The following PTCHD1 variants were observed in gnomAD, a reference collection of about 807,000 sequenced individuals.
PTCHD1 encodes patched domain-containing protein 1.
In PTCHD1, 3 loss-of-function variants were observed where a neutral mutation model predicts 34.6. The observed-to-expected ratio is 0.09, with a 90% CI of 0.04 to 0.22. The LOEUF is 0.22. PTCHD1 is among the 10% of genes least tolerant of loss of function. The pLI, the probability that PTCHD1 is intolerant of heterozygous loss-of-function variation, is 1.00. For missense variants in PTCHD1, 504 were observed against 685.5 expected (o/e 0.74, Z 2.96); for synonymous variants, 305 against 283.1 (o/e 1.08, Z -0.77).
At position 23,366,800 on chromosome X, in the gene PTCHD1, A is replaced by G. The variant is rs140231761; in HGVS notation, c.352-12791A>G. 3.1e-3 allele frequency among the ~76,000 whole-genome samples: 346 copies of G among 111,240 alleles called. 1 individual carries two copies. Among genetic ancestry groups the G allele is most frequent in the African/African-American group, 9.8e-3 (300 of 30,553 alleles). On this transcript the variant is annotated intron_variant, in intron 1 of 2. Transcript: ENST00000379361. Reference sequence around the variant, plus strand: ...TCTTGCTCACATGGCTTCAGGTAAGATTTACTAATAGTAACTAATAAATTT... The same window carrying G: ...TCTTGCTCACATGGCTTCAGGTAAGGTTTACTAATAGTAACTAATAAATTT...
intron 1 of PTCHD1, among the ~76,000 whole-genome samples, chrX:23,371,364 C>T (rs773128258): frequency 3.6e-5 from 4 of 111,549 alleles, no homozygotes; most frequent in South Asian, 7.7e-4. Context: ...GAAAAGCCGT[C>T]GGCTATGGAG....
chrX:23,353,956 G>A (rs1286219072), intron 1 of PTCHD1, among the ~76,000 whole-genome samples: 1 of 111,737 alleles, frequency 8.9e-6, no homozygotes, highest in African/African-American at 3.3e-5. Context: ...TGATGGAAGG[G>A]TTCTCAATCT....
chrX:23,391,389 T>C (rs930711711), intron 2 of PTCHD1, among the ~76,000 whole-genome samples: 2 of 111,022 alleles, frequency 1.8e-5, no homozygotes, highest in African/African-American at 6.6e-5. Context: ...TGAAGACAAA[T>C]TGCAAGTCAT....
chrX:23,369,798 T>A (rs1390638214), intron 1 of PTCHD1, among the ~76,000 whole-genome samples: 4 of 111,692 alleles, frequency 3.6e-5, no homozygotes, highest in African/African-American at 1.3e-4. Flanking sequence ...ACTTGGAGCT[T>A]ATACTGGGAT....
chrX:23,380,035 C>T lies in PTCHD1; in HGVS notation c.796C>T (p.Arg266Cys), dbSNP rs374319117. 12 of 1,209,823 alleles carry T rather than the reference C, an allele frequency of 9.9e-6. No homozygotes were observed. The African/African-American group carries it at 1.4e-4, about 14-fold the overall frequency. Residue 266 changes from arginine (R) to cysteine (C), a missense_variant, in exon 2 of 3, where the codon CGC becomes TGC. Coordinates refer to ENST00000379361, the MANE Select transcript of PTCHD1 (RefSeq NM_173495.3). Reference sequence around the variant, plus strand: ...GAGGGAAGATTTCCAGAAGACCAGCCGCGTATCAGAACGTTACCTGGTCAC... The same window carrying T: ...GAGGGAAGATTTCCAGAAGACCAGCTGCGTATCAGAACGTTACCTGGTCAC... ...SLREDFQKTS[R>C]VSERYLVTSL... is the part of the protein sequence containing the mutation.
At chrX:23,375,522 G>T (rs1007448209) in intron 1 of PTCHD1, among the ~76,000 whole-genome samples, 1 of 110,150 alleles carries the variant, frequency 9.1e-6, no homozygotes, top group African/African-American at 3.3e-5. Flanking sequence ...CTCGTGATCC[G>T]CCCGCCTCGG....
chrX:23,375,514 C>T (rs1358293533), intron 1 of PTCHD1, among the ~76,000 whole-genome samples: 1 of 110,574 alleles, frequency 9.0e-6, no homozygotes, highest in East Asian at 2.8e-4. Context: ...CTCCTGACCT[C>T]GTGATCCGCC....
chrX:23,372,674 C>T (rs912862376), intron 1 of PTCHD1, among the ~76,000 whole-genome samples: 1 of 111,487 alleles, frequency 9.0e-6, no homozygotes, highest in Admixed American at 9.5e-5. Flanking sequence ...ACAGCTGTTG[C>T]CTGTTCCCAA....
At position 23,358,963 on chromosome X, in the gene PTCHD1, C is replaced by T. The variant is rs1044397148; in HGVS notation, c.352-20628C>T. Among the ~76,000 whole-genome samples, 9 of 111,661 alleles carry T rather than the reference C, an allele frequency of 8.1e-5. No homozygotes were observed. In the East Asian group the frequency reaches 1.1e-3, roughly 14 times the overall value. ...GTCAAAGATCAGATGGTTGTAGATGCGTGGTGTTATTTCTGAGGCATCTGT... is the reference window on the plus strand; with the variant it reads ...GTCAAAGATCAGATGGTTGTAGATGTGTGGTGTTATTTCTGAGGCATCTGT... On this transcript the variant is annotated intron_variant, in intron 1 of 2. Transcript: ENST00000379361.
chrX:23,366,917 C>T (rs946072304), intron 1 of PTCHD1, among the ~76,000 whole-genome samples: 6 of 81,624 alleles, frequency 7.4e-5, no homozygotes, highest in Non-Finnish European at 1.2e-4. Flanking sequence ...ACACATGCTC[C>T]TGGTACACAC....
At chrX:23,377,596 G>A in intron 1 of PTCHD1, among the ~76,000 whole-genome samples, 1 of 109,205 alleles carries the variant, frequency 9.2e-6, no homozygotes, top group Non-Finnish European at 1.9e-5. Flanking sequence ...GTGTGTGTGT[G>A]TGTGTGTGTG....
chrX:23,377,578 GTGTGTGT>G (rs1569139432), intron 1 of PTCHD1, among the ~76,000 whole-genome samples: 2,099 of 83,311 alleles, frequency 0.025, 38 homozygotes, highest in East Asian at 0.13. Flanking sequence ...TCCTAGGGGT[GTGTGTGT>G]GTGTGTGTGT....
chrX:23,382,307 A>C (rs1922586400), intron 2 of PTCHD1, among the ~76,000 whole-genome samples: 1 of 112,957 alleles, frequency 8.9e-6, no homozygotes, highest in African/African-American at 3.2e-5. Context: ...AGCAGTATTC[A>C]AAACTTCGTT....
At chrX:23,390,825 A>G (rs1024540749) in intron 2 of PTCHD1, among the ~76,000 whole-genome samples, 1 of 112,467 alleles carries the variant, frequency 8.9e-6, no homozygotes, top group African/African-American at 3.2e-5. Flanking sequence ...TACACACAAG[A>G]TAACAGTGAC....
intron 1 of PTCHD1, among the ~76,000 whole-genome samples, chrX:23,343,445 C>T (rs1365675135): frequency 8.9e-6 from 1 of 112,101 alleles, no homozygotes; most frequent in Non-Finnish European, 1.9e-5. Flanking sequence ...CCACACTACA[C>T]ATTCCCTTAT....
At position 23,393,996 on chromosome X, in the gene PTCHD1, C is replaced by T; in HGVS notation, c.2478C>T (p.Cys826=). The T allele has an allele frequency of 8.3e-7, 1 of 1,210,089 alleles. No individual in the cohort carries two copies. The highest frequency in any genetic ancestry group is 1.1e-6 in the Non-Finnish European group (1 of 894,497). The part of the protein sequence containing the change: ...PSNLTCTLFR[C]LFLIAFVTFF... ...ATCTGACCTGTACACTGTTCAGGTG[C>T]TTGTTTTTAATAGCATTTGTCACCT... The change falls in exon 3 of 3, where the codon TGC becomes TGT. Residue 826 remains cysteine, a synonymous_variant. Coordinates refer to ENST00000379361, the MANE Select transcript of PTCHD1 (RefSeq NM_173495.3).
intron 1 of PTCHD1, among the ~76,000 whole-genome samples, chrX:23,377,440 C>A (rs1922438692): frequency 9.0e-6 from 1 of 111,453 alleles, no homozygotes; most frequent in South Asian, 3.8e-4. Context: ...ATTCACTGGG[C>A]CATGCTTAGA....
At chrX:23,389,864 A>T (rs192319674) in intron 2 of PTCHD1, among the ~76,000 whole-genome samples, 1 of 112,345 alleles carries the variant, frequency 8.9e-6, no homozygotes, top group Non-Finnish European at 1.9e-5. Flanking sequence ...AGGACAAGGC[A>T]TTTAAAATGC....
At chrX:23,348,661 A>G (rs1921544455) in intron 1 of PTCHD1, among the ~76,000 whole-genome samples, 1 of 110,081 alleles carries the variant, frequency 9.1e-6, no homozygotes, top group Admixed American at 9.7e-5. Flanking sequence ...GGTTAAAATG[A>G]AAAAAAAATC....
Sources: allele counts gnomAD v4.1 joint callset (sites outside exome capture counted in the v4.1 genomes callset), GRCh38; gene constraint gnomAD v4.1.1; transcripts MANE v1.5; gene names NCBI Gene and HGNC (gene_info 2026-07-23, HGNC 2026-07-21).